The following GRIP1 variants were observed in gnomAD, a reference collection of about 807,000 sequenced individuals.
GRIP1 encodes glutamate receptor-interacting protein 1.
A neutral mutation model predicts 129.9 loss-of-function variants in GRIP1; 45 were observed. The ratio of observed to expected loss-of-function variants is 0.35; its 90% confidence interval spans 0.27 to 0.44. GRIP1 has a LOEUF of 0.44. Among genes scored for constraint, GRIP1 ranks in the 20% least tolerant of loss-of-function variants. The pLI, the probability that GRIP1 is intolerant of heterozygous loss-of-function variation, is 1.00. For missense variants in GRIP1, 1,196 were observed against 1,396.8 expected (o/e 0.86, Z 2.29); for synonymous variants, 530 against 520.8 (o/e 1.02, Z -0.24).
chr12:66,529,168 G>T (rs867327647), intron 5 of GRIP1, among the ~76,000 whole-genome samples: 2 of 152,222 alleles, frequency 1.3e-5, no homozygotes, highest in Middle Eastern at 3.4e-3. Flanking sequence ...GCAGTGAAAA[G>T]GGAACACTTC....
intron 1 of GRIP1, among the ~76,000 whole-genome samples, chr12:67,052,965 T>C (rs1277208107): frequency 6.6e-6 from 1 of 152,152 alleles, no homozygotes; most frequent in Non-Finnish European, 1.5e-5. Flanking sequence ...CAAATCTCTA[T>C]CCTAAAATCA....
At chr12:66,760,629 T>C (rs956473753) in intron 1 of GRIP1, among the ~76,000 whole-genome samples, 2 of 152,104 alleles carry the variant, frequency 1.3e-5, no homozygotes, top group Admixed American at 6.5e-5. Flanking sequence ...TCCCACAAAG[T>C]GTGGGAATTC....
chr12:66,754,410 G>C (rs1341176412), intron 1 of GRIP1, among the ~76,000 whole-genome samples: 1 of 152,134 alleles, frequency 6.6e-6, no homozygotes, highest in East Asian at 1.9e-4. Flanking sequence ...GCGTTTCTTG[G>C]GGATTATAGG....
chr12:66,844,298 A>T (rs2039774596), intron 1 of GRIP1, among the ~76,000 whole-genome samples: 2 of 152,226 alleles, frequency 1.3e-5, no homozygotes. Flanking sequence ...TTGAATAGAC[A>T]TTCCTCCAAG....
intron 1 of GRIP1, among the ~76,000 whole-genome samples, chr12:66,945,660 C>A (rs2041656777): frequency 6.6e-6 from 1 of 152,166 alleles, no homozygotes; most frequent in East Asian, 1.9e-4. Flanking sequence ...GAGGGATCTG[C>A]CCCCATGACC....
intron 1 of GRIP1, among the ~76,000 whole-genome samples, chr12:66,936,174 C>T (rs1201826369): frequency 1.3e-5 from 2 of 152,166 alleles, no homozygotes; most frequent in Non-Finnish European, 2.9e-5. Context: ...AATCTCAGAA[C>T]TTTGGGAGGC....
At chr12:66,614,677 G>A (rs1592650021) in intron 1 of GRIP1, among the ~76,000 whole-genome samples, 1 of 151,954 alleles carries the variant, frequency 6.6e-6, no homozygotes, top group Admixed American at 6.6e-5. Context: ...GTTCCCCAGG[G>A]GCTTCCATTA....
intron 2 of GRIP1, among the ~76,000 whole-genome samples, chr12:66,595,687 T>G (rs1423393871): frequency 6.6e-6 from 1 of 152,238 alleles, no homozygotes; most frequent in East Asian, 1.9e-4. Flanking sequence ...ATCTCGGCAC[T>G]GGGTGATGCC....
chr12:66,960,203 G>A (rs1024320301), intron 1 of GRIP1, among the ~76,000 whole-genome samples: 1 of 152,096 alleles, frequency 6.6e-6, no homozygotes, highest in African/African-American at 2.4e-5. Context: ...AGTCATGTGG[G>A]GAATGAACTG....
chr12:66,813,392 A>G (rs571372765), intron 1 of GRIP1, among the ~76,000 whole-genome samples: 28 of 152,328 alleles, frequency 1.8e-4, no homozygotes, highest in Middle Eastern at 6.8e-3. Flanking sequence ...CCCACCTCCA[A>G]CACTGGGGAT....
At chr12:66,625,979 G>A (rs2029969143) in intron 1 of GRIP1, among the ~76,000 whole-genome samples, 2 of 152,098 alleles carry the variant, frequency 1.3e-5, no homozygotes, top group South Asian at 4.1e-4. Context: ...ACTTAAATGA[G>A]AAGAAGGAAC....
intron 1 of GRIP1, among the ~76,000 whole-genome samples, chr12:66,902,873 G>A (rs1006248986): frequency 1.1e-4 from 17 of 152,228 alleles, no homozygotes; most frequent in East Asian, 3.9e-4. Context: ...CATGTTCTGC[G>A]TGAAATGTTC....
chr12:67,007,207 T>C (rs2042639527), intron 1 of GRIP1, among the ~76,000 whole-genome samples: 1 of 152,110 alleles, frequency 6.6e-6, no homozygotes, highest in South Asian at 2.1e-4. Flanking sequence ...TATGATTTTC[T>C]TCCTGTTGTC....
At chr12:66,634,132 T>C (rs551500870) in intron 1 of GRIP1, among the ~76,000 whole-genome samples, 3 of 152,368 alleles carry the variant, frequency 2.0e-5, no homozygotes, top group Non-Finnish European at 4.4e-5. Context: ...CACAATCACC[T>C]GTCACATTTA....
chr12:66,497,351 C>G (rs1270234912), intron 7 of GRIP1, among the ~76,000 whole-genome samples: 1 of 152,156 alleles, frequency 6.6e-6, no homozygotes, highest in Non-Finnish European at 1.5e-5. Flanking sequence ...GACATTTAGG[C>G]TGAGTCTTTA....
chr12:66,353,675 T>C (rs1157055034), intron 23 of GRIP1, 112 bp from the exon 24 acceptor site: 3 of 951,798 alleles, frequency 3.2e-6, no homozygotes, highest in Admixed American at 3.4e-5. Context: ...TGATTTGTAA[T>C]ATCAGCATCA....
At chr12:66,665,212 T>A (rs2033729239) in intron 1 of GRIP1, among the ~76,000 whole-genome samples, 1 of 152,170 alleles carries the variant, frequency 6.6e-6, no homozygotes, top group African/African-American at 2.4e-5. Flanking sequence ...CTTGCCATGT[T>A]GCCTGAGCTG....
chr12:66,732,584 C>T (rs2036474073), intron 1 of GRIP1, among the ~76,000 whole-genome samples: 2 of 151,888 alleles, frequency 1.3e-5, no homozygotes, highest in South Asian at 2.1e-4. Context: ...AGAATGAAGA[C>T]CTTTTTGATG....
At chr12:66,878,914 C>A (rs1007458833) in intron 1 of GRIP1, among the ~76,000 whole-genome samples, 8 of 151,810 alleles carry the variant, frequency 5.3e-5, no homozygotes, top group African/African-American at 1.9e-4. Flanking sequence ...ATCTATGTAA[C>A]AGGGATTCAG....
Sources: allele counts gnomAD v4.1 joint callset (sites outside exome capture counted in the v4.1 genomes callset), GRCh38; gene constraint gnomAD v4.1.1; transcripts MANE v1.5; gene names NCBI Gene and HGNC (gene_info 2026-07-23, HGNC 2026-07-21).